CDH7: variants seen among roughly 807,000 people sequenced by gnomAD.
The protein encoded by CDH7 is cadherin-7.
CDH7 carries 25 observed loss-of-function variants against 71.8 expected under a neutral mutation model. The ratio of observed to expected loss-of-function variants is 0.35; its 90% CI spans 0.25 to 0.49. The LOEUF is 0.49. CDH7 is among the 20% of genes least tolerant of loss of function. CDH7 has a pLI of 0.99. For missense variants in CDH7, 862 were observed against 974.6 expected (o/e 0.88, Z 1.54); for synonymous variants, 381 against 363.8 (o/e 1.05, Z -0.54).
chr18:65,755,335 T>G (rs1916001208), intron 1 of CDH7, among the ~76,000 whole-genome samples: 1 of 152,226 alleles, frequency 6.6e-6, no homozygotes, highest in Non-Finnish European at 1.5e-5. Context: ...CTAACATCTA[T>G]TGCAGCTCAA....
intron 7 of CDH7, among the ~76,000 whole-genome samples, chr18:65,855,944 T>C (rs373612497): frequency 1.3e-5 from 2 of 151,858 alleles, no homozygotes; most frequent in East Asian, 3.9e-4. Context: ...AGTTCATCAA[T>C]ATAATGCATC....
At chr18:65,785,668 A>G (rs1910487833) in intron 2 of CDH7, among the ~76,000 whole-genome samples, 1 of 152,064 alleles carries the variant, frequency 6.6e-6, no homozygotes, top group African/African-American at 2.4e-5. Flanking sequence ...AACTTAATAT[A>G]TAATATTTTC....
At chr18:65,871,974 G>T (rs1372924506) in intron 11 of CDH7, among the ~76,000 whole-genome samples, 5 of 151,044 alleles carry the variant, frequency 3.3e-5, no homozygotes, top group Admixed American at 2.0e-4. Flanking sequence ...CGCCTAGGAA[G>T]AATGTGGGGT....
intron 2 of CDH7, among the ~76,000 whole-genome samples, chr18:65,781,670 AT>A (rs1910192299): frequency 6.6e-6 from 1 of 152,030 alleles, no homozygotes. Flanking sequence ...ATTCTGTCAC[AT>A]CTTAATAGCT....
At chr18:65,774,457 A>G (rs1598993819) in intron 2 of CDH7, among the ~76,000 whole-genome samples, 1 of 152,078 alleles carries the variant, frequency 6.6e-6, no homozygotes. Context: ...GATCTTCCAC[A>G]TTCTTATTTG....
rs745442687 is a variant in CDH7 at position 65,782,107 on chromosome 18, CTTCTTTCTTTCTTTCTTTCT to C, written c.210+19093_210+19112del. 4.6e-3 allele frequency among the ~76,000 whole-genome samples: 115 copies of C among 25,226 alleles called. 13 individuals are homozygous for C. Among genetic ancestry groups the C allele is most frequent in the African/African-American group, 0.026 (70 of 2,654 alleles). The allele number at this position is 25,226 out of a possible 152,430, so 16.5% of individuals were successfully genotyped here. On this transcript the variant is annotated intron_variant, in intron 2 of 11. Transcript: ENST00000397968. ...CCTTCCTTCCTTCCTTCCTTCCTTC[CTTCTTTCTTTCTTTCTTTCT>C]TTCTTTCTTTCTTTCTTTCTTTCTT...
intron 11 of CDH7, among the ~76,000 whole-genome samples, chr18:65,867,366 C>T (rs370086349): frequency 6.6e-5 from 10 of 152,036 alleles, no homozygotes; most frequent in African/African-American, 2.4e-4. Flanking sequence ...AAATTACAAC[C>T]CATAACTAAC....
rs1322146448 is a variant in CDH7, at chr18:65,763,023, A to G, written c.181A>G (p.Met61Val). The stretch of plus-strand genomic sequence containing the variant: ...TCAGTTCTTTGTGCTGGAGGAATAC[A>G]TGGGTTCAGACCCCCTCTATGTAGG... ...WNQFFVLEEY[M>V]GSDPLYVGKL... Residue 61 changes from methionine (M) to valine (V), a missense_variant, in exon 2 of 12, where the codon ATG (methionine) becomes GTG (valine). Met to Val is a conservative substitution (Grantham distance 21). Transcript: ENST00000397968. 2.5e-6 allele frequency: 4 copies of G among 1,613,184 alleles called. No homozygotes were observed. The highest frequency in any genetic ancestry group is 1.3e-5 in the African/African-American group (1 of 74,864).
At chr18:65,797,029 G>A (rs1321739552) in intron 2 of CDH7, among the ~76,000 whole-genome samples, 1 of 152,116 alleles carries the variant, frequency 6.6e-6, no homozygotes, top group African/African-American at 2.4e-5. Context: ...AAGCAGTGGT[G>A]TTACTGATTC....
intron 11 of CDH7, among the ~76,000 whole-genome samples, chr18:65,878,785 G>C (rs1475652513): frequency 1.3e-5 from 2 of 152,164 alleles, no homozygotes; most frequent in Non-Finnish European, 2.9e-5. Context: ...AAAAGAAAGA[G>C]AGCAGGGATA....
intron 6 of CDH7, among the ~76,000 whole-genome samples, chr18:65,833,167 C>T (rs1222834681): frequency 6.6e-6 from 1 of 152,134 alleles, no homozygotes; most frequent in Non-Finnish European, 1.5e-5. Flanking sequence ...TGTCTACCTG[C>T]CATTCACTGC....
chr18:65,781,832 T>TGTC (rs1568181542), intron 2 of CDH7, among the ~76,000 whole-genome samples: 6 of 85,922 alleles, frequency 7.0e-5, no homozygotes, highest in African/African-American at 4.4e-4. Context: ...CTTTCTTTCT[T>TGTC]TCTTTCTTTC....
At chr18:65,875,642 T>G (rs2144063326) in intron 11 of CDH7, among the ~76,000 whole-genome samples, 1 of 152,260 alleles carries the variant, frequency 6.6e-6, no homozygotes, top group Admixed American at 6.5e-5. Context: ...ATGCTAACGC[T>G]TTGGAAGACC....
intron 2 of CDH7, among the ~76,000 whole-genome samples, chr18:65,797,606 T>C (rs1910964459): frequency 6.6e-6 from 1 of 152,194 alleles, no homozygotes; most frequent in Admixed American, 6.5e-5. Context: ...TGCTCTATTT[T>C]AGAAGAGACA....
In CDH7 at chr18:65,800,040, A is replaced by C. The variant is rs544852323; in HGVS notation, c.211-9664A>C. On this transcript the variant is annotated intron_variant, in intron 2 of 11. Coordinates refer to ENST00000397968, the MANE Select transcript of CDH7 (RefSeq NM_004361.5). ...TAAAATATATAAAACAAATCAAAAC[A>C]GATTAAATTTTATGTAACAACTCTA... is the stretch of plus-strand genomic sequence containing the variant. 7.2e-5 allele frequency among the ~76,000 whole-genome samples: 11 copies of C among 152,308 alleles called. No homozygotes were observed. In the South Asian group the frequency reaches 1.0e-3, roughly 14 times the overall value.
At chr18:65,829,118 G>GCTTTGTTTTGTTTTTGT (rs1912237989) in intron 6 of CDH7, among the ~76,000 whole-genome samples, 1 of 149,920 alleles carries the variant, frequency 6.7e-6, no homozygotes, top group Non-Finnish European at 1.5e-5. Flanking sequence ...TGTCATTTTT[G>GCTTTGTTTTGTTTTTGT]TTTTGTTTTG....
At chr18:65,755,714 CA>C (rs1342323712) in intron 1 of CDH7, among the ~76,000 whole-genome samples, 1 of 152,088 alleles carries the variant, frequency 6.6e-6, no homozygotes, top group African/African-American at 2.4e-5. Flanking sequence ...TAAAAATAGG[CA>C]AAAGCAACAA....
At chr18:65,850,656 A>T (rs1036688369) in intron 7 of CDH7, among the ~76,000 whole-genome samples, 1 of 151,714 alleles carries the variant, frequency 6.6e-6, no homozygotes, top group African/African-American at 2.4e-5. Flanking sequence ...TCTCCAAAAC[A>T]TTCTGGACAT....
intron 6 of CDH7, among the ~76,000 whole-genome samples, chr18:65,842,719 C>A (rs1189812901): frequency 1.3e-5 from 2 of 151,888 alleles, no homozygotes; most frequent in Non-Finnish European, 2.9e-5. Flanking sequence ...CACACGTATG[C>A]CCAAACATAC....
Sources: gnomAD v4.1 joint callset for allele counts (sites outside exome capture counted in the v4.1 genomes callset) on GRCh38, gnomAD v4.1.1 for gene constraint, MANE v1.5 for transcripts, NCBI Gene and HGNC (gene_info 2026-07-23, HGNC 2026-07-21) for gene names.